ERBB4: variants seen among roughly 807,000 people sequenced by gnomAD.
ERBB4 encodes erb-b2 receptor tyrosine kinase 4.
Under a neutral mutation model 158.0 loss-of-function variants are expected in ERBB4, and 42 were observed. The observed-to-expected ratio is 0.27, with a 90% CI of 0.21 to 0.34. The LOEUF (loss-of-function observed/expected upper bound fraction) is 0.34, where lower values mean the gene tolerates loss of function less well. ERBB4 is among the 10% of genes least tolerant of loss of function. The pLI, the probability that ERBB4 is intolerant of heterozygous loss-of-function variation, is 1.00. For synonymous variants in ERBB4, 583 were observed against 558.7 expected, an observed-to-expected ratio of 1.04 and a Z score of -0.61; for missense variants, 1,333 against 1,624.1, an observed-to-expected ratio of 0.82 and a Z score of 3.08.
rs530115476 is a variant in ERBB4 at position 211,800,371 on chromosome 2, G to T, written c.422-12212C>A. ...AGAGCTAAATAACTGGTAAGAGTTC[G>T]AAAGAACCATGATTCCAACTTAGTC... On this transcript the variant is annotated intron_variant, in intron 3 of 27. Coordinates refer to ENST00000342788, the MANE Select transcript of ERBB4 (RefSeq NM_005235.3). 3.7e-4 allele frequency among the ~76,000 whole-genome samples: 57 copies of T among 152,190 alleles called. 1 individual carries two copies. The highest frequency in any genetic ancestry group is 1.4e-3 in the Admixed American group (21 of 15,290).
Position 212,173,028 on chromosome 2 carries a change from A to G in ERBB4, c.83-48125T>C, listed in dbSNP as rs569001627. 2.6e-3 allele frequency among the ~76,000 whole-genome samples: 389 copies of G among 152,246 alleles called. 2 individuals carry two copies. The highest frequency in any genetic ancestry group is 9.0e-3 in the African/African-American group (373 of 41,564). On this transcript the variant is annotated intron_variant, in intron 1 of 27. Coordinates refer to ENST00000342788, the MANE Select transcript of ERBB4 (RefSeq NM_005235.3). ...AAGTCAATGTATATTATTATGTGGG[A>G]AATATCCAGTTGCAGAATCATATGT...
chr2:211,967,858 C>G (rs907887362), intron 2 of ERBB4, among the ~76,000 whole-genome samples: 1 of 151,318 alleles, frequency 6.6e-6, no homozygotes, highest in East Asian at 1.9e-4. Flanking sequence ...TATTTTATAT[C>G]CTTTTTGAAC....
intron 1 of ERBB4, among the ~76,000 whole-genome samples, chr2:212,329,301 T>C (rs893144459): frequency 6.6e-6 from 1 of 152,034 alleles, no homozygotes; most frequent in Non-Finnish European, 1.5e-5. Context: ...TTAAAGAATG[T>C]CATTTATAGG....
In ERBB4 at chr2:211,772,808, GATATAT is replaced by G. The variant is rs761544601; in HGVS notation, c.556+15211_556+15216del. ...CTACAGGTATACTTCACCATACTGG[GATATAT>G]ATATATATATATATATATATACACA... On this transcript the variant is annotated intron_variant, in intron 4 of 27. Transcript: ENST00000342788. Among the ~76,000 whole-genome samples, 4 of 37,746 alleles carry G rather than the reference GATATAT, an allele frequency of 1.1e-4. No individual in the cohort carries two copies. The South Asian group carries it at 3.9e-3, about 37-fold the overall frequency. The allele number at this position is 37,746 out of a possible 152,430, so 24.8% of individuals were successfully genotyped here. A position where few individuals can be genotyped will look rare whatever the true frequency, so the allele number is the denominator to read the frequency against.
chr2:211,574,014 T>C (rs1574782562), intron 19 of ERBB4, among the ~76,000 whole-genome samples: 1 of 152,204 alleles, frequency 6.6e-6, no homozygotes, highest in East Asian at 1.9e-4. Flanking sequence ...AATGATACAG[T>C]ACAAGAAAAG....
chr2:212,192,081 TTATA>T (rs1334734613), intron 1 of ERBB4, among the ~76,000 whole-genome samples: 3 of 136,766 alleles, frequency 2.2e-5, no homozygotes, highest in Non-Finnish European at 3.1e-5. Flanking sequence ...GTTATATATA[TTATA>T]TATATTATAT....
At chr2:211,387,607 T>C (rs111738207) in intron 26 of ERBB4, among the ~76,000 whole-genome samples, 2,034 of 152,280 alleles carry the variant, frequency 0.013, 45 homozygotes, top group African/African-American at 0.045. Flanking sequence ...GAGGCTCTAG[T>C]ACCTAACTAG....
intron 1 of ERBB4, among the ~76,000 whole-genome samples, chr2:212,290,663 C>CGT (rs147501591): frequency 0.018 from 2,738 of 150,354 alleles, 85 homozygotes; most frequent in African/African-American, 0.062. Context: ...TATTTCTTTT[C>CGT]GTGTGTGTGT....
intron 20 of ERBB4, among the ~76,000 whole-genome samples, chr2:211,487,089 T>TG (rs1198368332): frequency 6.6e-6 from 1 of 151,808 alleles, no homozygotes; most frequent in Non-Finnish European, 1.5e-5. Flanking sequence ...GTTGGTGTGC[T>TG]GCACCCATTA....
chr2:212,163,865 T>C (rs2081273472), intron 1 of ERBB4, among the ~76,000 whole-genome samples: 1 of 152,088 alleles, frequency 6.6e-6, no homozygotes, highest in Admixed American at 6.6e-5. Context: ...CAATCACAGC[T>C]CACTGCAGCC....
chr2:212,356,271 T>G (rs978348124), intron 1 of ERBB4, among the ~76,000 whole-genome samples: 1 of 151,860 alleles, frequency 6.6e-6, no homozygotes, highest in African/African-American at 2.4e-5. Flanking sequence ...CTACAGAAAT[T>G]ACAAATATGT....
intron 4 of ERBB4, among the ~76,000 whole-genome samples, chr2:211,756,458 C>T (rs757418379): frequency 2.6e-5 from 4 of 151,988 alleles, no homozygotes; most frequent in South Asian, 2.1e-4. Context: ...GCAGCTGGAG[C>T]GTGAGCTTAC....
chr2:211,624,168 C>T, intron 17 of ERBB4, 124 bp from the exon 18 acceptor site: 1 of 1,164,456 alleles, frequency 8.6e-7, no homozygotes, highest in Admixed American at 1.9e-5. Context: ...ACTTGGTTTG[C>T]CTTGACAACC....
intron 20 of ERBB4, among the ~76,000 whole-genome samples, chr2:211,445,243 A>C (rs1167679896): frequency 2.0e-5 from 3 of 152,154 alleles, no homozygotes; most frequent in Non-Finnish European, 2.9e-5. Flanking sequence ...AGCACATTAG[A>C]AAGAATCAAG....
At chr2:212,215,230 A>C (rs1361803898) in intron 1 of ERBB4, among the ~76,000 whole-genome samples, 1 of 151,574 alleles carries the variant, frequency 6.6e-6, no homozygotes, top group Non-Finnish European at 1.5e-5. Context: ...GTCCATATGT[A>C]GTAGTTGAAA....
chr2:211,513,007 T>C (rs1190803878), intron 20 of ERBB4, among the ~76,000 whole-genome samples: 1 of 152,078 alleles, frequency 6.6e-6, no homozygotes, highest in Admixed American at 6.5e-5. Flanking sequence ...TTAGACAGTA[T>C]TCTGATTTGA....
intron 21 of ERBB4, among the ~76,000 whole-genome samples, chr2:211,429,069 T>A (rs2063696143): frequency 6.6e-6 from 1 of 152,084 alleles, no homozygotes; most frequent in Admixed American, 6.6e-5. Context: ...AATAATTAAG[T>A]GGGGATAACT....
At position 211,992,565 on chromosome 2, in the gene ERBB4, G is replaced by A. The variant is rs78893032; in HGVS notation, c.235-44949C>T. 2.8e-3 allele frequency among the ~76,000 whole-genome samples: 349 copies of A among 122,512 alleles called. 4 individuals are homozygous for A. Among genetic ancestry groups the A allele is most frequent in the African/African-American group, 8.8e-3 (294 of 33,436 alleles). The allele number at this position is 122,512 out of a possible 152,430, so 80.4% of individuals were successfully genotyped here. On this transcript the variant is annotated intron_variant, in intron 2 of 27. Transcript: ENST00000342788. ...ACAGTGAGAGAGAGAGAGAGAGAGA[G>A]AGAAAAAAAAAAAAAACATGAGTTT...
At chr2:212,282,177 C>T (rs550629659) in intron 1 of ERBB4, among the ~76,000 whole-genome samples, 57 of 151,876 alleles carry the variant, frequency 3.8e-4, no homozygotes, top group African/African-American at 1.3e-3. Flanking sequence ...CCCGATGCTG[C>T]CCATAGAAAA....
Sources: allele counts gnomAD v4.1 joint callset (sites outside exome capture counted in the v4.1 genomes callset), GRCh38; gene constraint gnomAD v4.1.1; transcripts MANE v1.5; gene names NCBI Gene and HGNC (gene_info 2026-07-23, HGNC 2026-07-21).